MBP: variants seen among roughly 807,000 people sequenced by gnomAD.
MBP encodes the protein myelin basic protein.
A neutral mutation model predicts 35.8 loss-of-function variants in MBP; 16 were observed. The observed-to-expected ratio is 0.45, with a 90% CI of 0.30 to 0.68. The LOEUF is 0.68. MBP is among the 30% of genes least tolerant of loss of function. The pLI is 0.08. For synonymous variants in MBP, 143 were observed against 159.6 expected (o/e 0.90, Z 0.78); for missense variants, 380 against 404.7 (o/e 0.94, Z 0.52).
At chr18:76,981,522 A>G (rs979376588) in intron 8 of MBP, 1 of 152,248 alleles carries the variant, frequency 6.6e-6, no homozygotes, top group African/African-American at 2.4e-5. Context: ...TTCCAAGTAC[A>G]TACGTAGCAT....
At chr18:77,133,144 C>A (rs912061864), upstream of MBP, among the ~76,000 whole-genome samples, 2 of 152,186 alleles carry the variant, frequency 1.3e-5, no homozygotes, top group African/African-American at 4.8e-5. Context: ...CGCATCTCCC[C>A]GCGTCCTCAG....
At chr18:77,051,092 C>T (rs1468226053) in intron 3 of MBP, among the ~76,000 whole-genome samples, 1 of 152,094 alleles carries the variant, frequency 6.6e-6, no homozygotes, top group Non-Finnish European at 1.5e-5. Context: ...CTTGAGGTAA[C>T]ATAGCATGTA....
intron 2 of MBP, among the ~76,000 whole-genome samples, chr18:77,075,129 C>T (rs545271361): frequency 2.6e-5 from 4 of 152,338 alleles, no homozygotes; most frequent in South Asian, 2.1e-4. Flanking sequence ...GCTTCTGTCA[C>T]GGCAGGTGGA....
At chr18:77,034,043 T>C (rs528891598) in intron 3 of MBP, among the ~76,000 whole-genome samples, 113 of 92,712 alleles carry the variant, frequency 1.2e-3, no homozygotes, top group African/African-American at 5.6e-3. Context: ...GATTGTTACC[T>C]AATGGGGCAA....
rs541858866 is a variant in MBP, at chr18:77,020,343, G to A, written c.140-3075C>T. Reference sequence around the variant, plus strand: ...AGTTGAGAATGCATGCCTGCCAAGCGACCAAGAGTGAGCAGTGGACAGATA... The same window carrying A: ...AGTTGAGAATGCATGCCTGCCAAGCAACCAAGAGTGAGCAGTGGACAGATA... On this transcript the variant is annotated intron_variant, in intron 3 of 8. Coordinates refer to ENST00000355994, the MANE Select transcript of MBP (RefSeq NM_001025101.2). The surrounding 1 kb of genome is among the most constrained non-coding windows in gnomAD (Gnocchi z 4.1). Among the ~76,000 whole-genome samples, 2 of 152,132 alleles carry A rather than the reference G, an allele frequency of 1.3e-5. No individual in the cohort carries two copies. The highest frequency in any genetic ancestry group is 4.2e-4 in the South Asian group (2 of 4,818).
chr18:77,060,670 C>T (rs942172309), intron 3 of MBP, among the ~76,000 whole-genome samples: 1 of 152,022 alleles, frequency 6.6e-6, no homozygotes, highest in Admixed American at 6.5e-5. Context: ...AGGCTGGTCT[C>T]GAACTCCTGG....
chr18:76,980,571 G>T (rs187126799), intron 8 of MBP, 100 bp from the exon 9 acceptor site: 6 of 881,662 alleles, frequency 6.8e-6, no homozygotes, highest in Non-Finnish European at 9.5e-6. Flanking sequence ...GAGCCATTGG[G>T]TGTCTCTCTC....
intron 3 of MBP, 95 bp from the exon 4 acceptor site, chr18:77,017,363 T>G: frequency 8.4e-7 from 1 of 1,197,502 alleles, no homozygotes; most frequent in South Asian, 2.2e-5. Context: ...AGCTGTCTCC[T>G]ATAAAACCCA....
intron 4 of MBP, among the ~76,000 whole-genome samples, chr18:76,998,335 C>A (rs1970434327): frequency 1.7e-3 from 1 of 602 alleles, no homozygotes; most frequent in African/African-American, 2.2e-3. Flanking sequence ...CCGTCAGAAT[C>A]CCCTTCCACC....
At chr18:77,109,992 G>T (rs1360021956) in intron 1 of MBP, 4 of 152,128 alleles carry the variant, frequency 2.6e-5, no homozygotes, top group Non-Finnish European at 2.9e-5. Context: ...TTTCTATGGA[G>T]ATAACAGGAT....
At chr18:77,066,801 G>A (rs1020190110) in intron 2 of MBP, among the ~76,000 whole-genome samples, 1 of 152,248 alleles carries the variant, frequency 6.6e-6, no homozygotes. Flanking sequence ...AACCAGTCAG[G>A]ACCACTTTGA....
Position 77,101,356 on chromosome 18 carries a change from A to G in MBP, c.51+3855T>C, listed in dbSNP as rs1255796807. Among the ~76,000 whole-genome samples, 1 of 152,202 alleles carries G rather than the reference A, an allele frequency of 6.6e-6. No homozygotes were observed. Among genetic ancestry groups the G allele is most frequent in the Admixed American group, 6.5e-5 (1 of 15,288 alleles). On this transcript the variant is annotated intron_variant, in intron 2 of 8. Transcript: ENST00000355994. The surrounding 1 kb of genome is among the most constrained non-coding windows in gnomAD (Gnocchi z 4.3). ...GTGAGGCAGGACCATTTGGAAACCA[A>G]ATTTCCCTGCAACTTAAAAAACACA...
intron 1 of MBP, among the ~76,000 whole-genome samples, chr18:77,112,351 G>T (rs1174723012): frequency 1.3e-5 from 2 of 152,224 alleles, no homozygotes; most frequent in African/African-American, 4.8e-5. Context: ...CACACCTGCG[G>T]GAGGTCGGAC....
chr18:76,984,916 C>T, intron 7 of MBP, 22 bp from the exon 8 acceptor site: 1 of 1,611,628 alleles, frequency 6.2e-7, no homozygotes, highest in Non-Finnish European at 8.5e-7. Context: ...GACCACGGAG[C>T]TCAACCTCCA....
At chr18:77,120,839 T>C (rs1976865802) in intron 1 of MBP, among the ~76,000 whole-genome samples, 1 of 152,352 alleles carries the variant, frequency 6.6e-6, no homozygotes, top group South Asian at 2.1e-4. Context: ...ATTCCTCTTC[T>C]ACACATGTTG....
intron 3 of MBP, among the ~76,000 whole-genome samples, chr18:77,048,918 T>A (rs558882364): frequency 8.5e-4 from 130 of 152,058 alleles, no homozygotes; most frequent in African/African-American, 2.8e-3. Flanking sequence ...GGGTTTTTTT[T>A]TAATTTTATT....
At chr18:77,041,803 A>T (rs1462715680) in intron 3 of MBP, among the ~76,000 whole-genome samples, 2 of 148,972 alleles carry the variant, frequency 1.3e-5, no homozygotes, top group Non-Finnish European at 3.0e-5. Context: ...GGGGAGGGAT[A>T]GCATTAGGAG....
chr18:77,014,948 G>A (rs189656783), intron 4 of MBP: 1 of 984,280 alleles, frequency 1.0e-6, no homozygotes, highest in South Asian at 4.7e-5. Context: ...TAAAATTTTT[G>A]AAAGTGTTTT....
intron 3 of MBP, among the ~76,000 whole-genome samples, chr18:77,045,692 G>A (rs919329834): frequency 1.3e-5 from 2 of 152,216 alleles, no homozygotes; most frequent in African/African-American, 4.8e-5. Context: ...TCCATCTTCT[G>A]TAGCAAAGCC....
Sources: gnomAD v4.1 joint callset for allele counts (sites outside exome capture counted in the v4.1 genomes callset) on GRCh38, gnomAD v4.1.1 for gene constraint, Gnocchi (gnomAD v3.1) non-coding constraint, MANE v1.5 for transcripts, NCBI Gene and HGNC (gene_info 2026-07-23, HGNC 2026-07-21) for gene names.